NIBAN1: variants seen among roughly 807,000 people sequenced by gnomAD.
NIBAN1 encodes the protein niban apoptosis regulator 1, also known as protein Niban 1.
A neutral mutation model predicts 75.1 loss-of-function variants in NIBAN1; 81 were observed. The observed-to-expected ratio is 1.08, with a 90% CI of 0.90 to 1.30. The LOEUF is 1.30. Ranked by LOEUF, NIBAN1 falls within the 50% of genes most tolerant of loss-of-function variation. NIBAN1 has a pLI of 0.00. For missense variants in NIBAN1, 1,133 were observed against 1,128.1 expected (o/e 1.00, Z -0.06); for synonymous variants, 436 against 424.8 (o/e 1.03, Z -0.32).
intron 5 of NIBAN1, among the ~76,000 whole-genome samples, chr1:184,861,676 GGAGGGAAGGAGT>G (rs959437731): frequency 6.8e-6 from 1 of 147,874 alleles, no homozygotes; most frequent in Non-Finnish European, 1.5e-5. Flanking sequence ...AGGAAGGGAG[GGAGGGAAGGAGT>G]GAGGGAAGGA....
rs1311795844 is a variant in NIBAN1 at position 184,917,459 on chromosome 1, T to G, written c.56-18150A>C. On this transcript the variant is annotated intron_variant, in intron 1 of 13. Coordinates refer to ENST00000367511, the MANE Select transcript of NIBAN1 (RefSeq NM_052966.4). Reference sequence around the variant, plus strand: ...GATCTGACCTCGTGATCCGCCCGCCTCGGCCTCCCAAAGTGCTGGGATTAC... The same window carrying G: ...GATCTGACCTCGTGATCCGCCCGCCGCGGCCTCCCAAAGTGCTGGGATTAC... Among the ~76,000 whole-genome samples the G allele has an allele frequency of 5.5e-5, 8 of 145,600 alleles. No individual in the cohort carries two copies. In the South Asian group the frequency reaches 8.8e-4, roughly 16 times the overall value.
intron 1 of NIBAN1, among the ~76,000 whole-genome samples, chr1:184,960,000 G>T (rs933380818): frequency 2.6e-5 from 4 of 151,950 alleles, no homozygotes; most frequent in Non-Finnish European, 4.4e-5. Flanking sequence ...TGAAATTTTT[G>T]GATTGACCCT....
intron 1 of NIBAN1, among the ~76,000 whole-genome samples, chr1:184,921,158 G>T (rs377423979): frequency 6.6e-6 from 1 of 151,420 alleles, no homozygotes; most frequent in Admixed American, 6.6e-5. Context: ...TTAGCCGGGC[G>T]TGGTGGCACA....
chr1:184,821,856 T>C (rs1293572819), intron 8 of NIBAN1, among the ~76,000 whole-genome samples: 2 of 152,046 alleles, frequency 1.3e-5, no homozygotes, highest in Non-Finnish European at 2.9e-5. Context: ...ATGGCGTAAA[T>C]AGACACCCAG....
chr1:184,890,417 T>C (rs1043131553), intron 3 of NIBAN1, among the ~76,000 whole-genome samples, 195 bp from the exon 4 acceptor site: 3 of 152,230 alleles, frequency 2.0e-5, no homozygotes, highest in African/African-American at 7.2e-5. Context: ...TTTAATACTT[T>C]CATGTGACAG....
chr1:184,823,741 A>T lies in NIBAN1; in HGVS notation c.719T>A (p.Ile240Asn). The change falls in exon 7 of 14, where the codon ATC becomes AAC. Residue 240 changes from isoleucine to asparagine, a missense_variant and splice_region_variant. Ile to Asn is a moderately radical substitution (Grantham distance 149). Transcript: ENST00000367511. ...CTCCTCCATCACCAGGTTACTCAGGATCTGCGCAGCAGAAGACAGCCCAGA... is the reference window on the plus strand; with the variant it reads ...CTCCTCCATCACCAGGTTACTCAGGTTCTGCGCAGCAGAAGACAGCCCAGA... Reference protein sequence around the residue: ...WEMITGDEIQILSNLVMEELL... With the variant: ...WEMITGDEIQNLSNLVMEELL... The T allele has an allele frequency of 6.2e-7, 1 of 1,613,984 alleles. No individual in the cohort carries two copies. The highest frequency in any genetic ancestry group is 1.1e-5 in the South Asian group (1 of 91,076).
intron 9 of NIBAN1, among the ~76,000 whole-genome samples, chr1:184,813,523 AT>A (rs1654441005): frequency 6.6e-6 from 1 of 152,214 alleles, no homozygotes; most frequent in African/African-American, 2.4e-5. Context: ...GGAATTAACC[AT>A]GCCCCCTAGC....
intron 5 of NIBAN1, among the ~76,000 whole-genome samples, chr1:184,871,163 A>G (rs760074402): frequency 2.8e-4 from 43 of 152,026 alleles, no homozygotes; most frequent in Non-Finnish European, 4.6e-4. Flanking sequence ...CCTGGCCAAC[A>G]TGGTGAAACC....
chr1:184,830,140 T>C (rs947519613), intron 6 of NIBAN1, among the ~76,000 whole-genome samples: 4 of 152,230 alleles, frequency 2.6e-5, no homozygotes, highest in African/African-American at 9.6e-5. Flanking sequence ...CTTCCCTCAG[T>C]TTTCTCATTT....
chr1:184,927,851 G>A (rs2102027596), intron 1 of NIBAN1, among the ~76,000 whole-genome samples: 1 of 152,052 alleles, frequency 6.6e-6, no homozygotes, highest in Admixed American at 6.5e-5. Flanking sequence ...CTGCAGCTGA[G>A]CTGGCACCCA....
At chr1:184,939,503 C>A (rs945018921) in intron 1 of NIBAN1, among the ~76,000 whole-genome samples, 2 of 152,222 alleles carry the variant, frequency 1.3e-5, no homozygotes, top group African/African-American at 4.8e-5. Flanking sequence ...GAAGCCTTCT[C>A]TTTTTAAGCA....
intron 10 of NIBAN1, among the ~76,000 whole-genome samples, chr1:184,806,951 G>A (rs182212742): frequency 2.8e-4 from 43 of 152,040 alleles, no homozygotes; most frequent in Admixed American, 1.6e-3. Context: ...TGTATTTTTA[G>A]TAGAGATGGG....
At chr1:184,931,524 G>A (rs964758033) in intron 1 of NIBAN1, among the ~76,000 whole-genome samples, 6 of 152,140 alleles carry the variant, frequency 3.9e-5, no homozygotes, top group African/African-American at 1.4e-4. Context: ...TATTGTATAA[G>A]TAGAAAAGCA....
chr1:184,891,102 G>A (rs1000867094), intron 3 of NIBAN1, among the ~76,000 whole-genome samples: 47 of 152,110 alleles, frequency 3.1e-4, no homozygotes, highest in African/African-American at 1.0e-3. Flanking sequence ...ACGATAACAC[G>A]TTCTGCAGCA....
intron 8 of NIBAN1, among the ~76,000 whole-genome samples, chr1:184,822,171 A>G (rs1654719805): frequency 6.6e-6 from 1 of 152,174 alleles, no homozygotes; most frequent in Non-Finnish European, 1.5e-5. Flanking sequence ...CTGTCAATAA[A>G]CAATCACAGA....
intron 5 of NIBAN1, among the ~76,000 whole-genome samples, chr1:184,866,517 C>T (rs1331330568): frequency 6.6e-6 from 1 of 152,190 alleles, no homozygotes; most frequent in Non-Finnish European, 1.5e-5. Context: ...TAACAATCCA[C>T]TTAACCCAAC....
intron 1 of NIBAN1, among the ~76,000 whole-genome samples, chr1:184,956,760 C>T (rs967968441): frequency 2.6e-5 from 4 of 152,080 alleles, no homozygotes; most frequent in African/African-American, 9.7e-5. Flanking sequence ...GGTCCATAGG[C>T]TTTAACAAAC....
At chr1:184,877,005 C>A (rs1229111243) in intron 5 of NIBAN1, among the ~76,000 whole-genome samples, 1 of 152,104 alleles carries the variant, frequency 6.6e-6, no homozygotes. Flanking sequence ...TATTAGTAAA[C>A]CCAATCAAAA....
chr1:184,900,929 A>T (rs1460258736), intron 1 of NIBAN1, among the ~76,000 whole-genome samples: 1 of 152,358 alleles, frequency 6.6e-6, no homozygotes, highest in East Asian at 1.9e-4. Flanking sequence ...TTGATATTAT[A>T]GTCAATAAAG....
Sources: gnomAD v4.1 joint callset for allele counts (sites outside exome capture counted in the v4.1 genomes callset) on GRCh38, gnomAD v4.1.1 for gene constraint, MANE v1.5 for transcripts, NCBI Gene and HGNC (gene_info 2026-07-23, HGNC 2026-07-21) for gene names.